CUX1: variants seen among roughly 807,000 people sequenced by gnomAD.
CUX1 encodes protein CASP.
A neutral mutation model predicts 158.8 loss-of-function variants in CUX1; 31 were observed. That is an observed-to-expected ratio of 0.20 (90% CI 0.15 to 0.26). The LOEUF is 0.26. CUX1 is among the 10% of genes least tolerant of loss of function. The probability of loss-of-function intolerance (pLI) is 1.00; values close to 1 mark genes in which losing one functional copy is unlikely to be tolerated. For synonymous variants in CUX1, 879 were observed against 862.1 expected (o/e 1.02, Z -0.34); for missense variants, 1,589 against 2,014.6 (o/e 0.79, Z 4.04).
Position 102,253,096 on chromosome 7 carries a change from T to C in CUX1, c.*4054T>C, listed in dbSNP as rs1801693779. On this transcript the variant is annotated 3_prime_UTR_variant, in exon 24 of 24. Coordinates refer to ENST00000292535, the MANE Select transcript of CUX1 (RefSeq NM_181552.4). ...ATCCCTTGTACCTCCAAAGTACAAATACCTCCCTGCTCAGTTTCCTTCCTG... is the reference window on the plus strand; with the variant it reads ...ATCCCTTGTACCTCCAAAGTACAAACACCTCCCTGCTCAGTTTCCTTCCTG... 1 of 985,424 alleles carries C rather than the reference T, an allele frequency of 1.0e-6. No individual in the cohort carries two copies. Among genetic ancestry groups the C allele is most frequent in the Non-Finnish European group, 1.2e-6 (1 of 829,938 alleles). 61.0% of individuals were successfully genotyped at this position (985,424 alleles called of 1,614,324 possible).
At chr7:102,100,547 C>A (rs1369391881) in intron 5 of CUX1, among the ~76,000 whole-genome samples, 1 of 152,170 alleles carries the variant, frequency 6.6e-6, no homozygotes, top group Non-Finnish European at 1.5e-5. Flanking sequence ...AACAAGTTTT[C>A]CCAAGCTCCA....
intron 14 of CUX1, among the ~76,000 whole-genome samples, chr7:102,267,558 G>C (rs1354688980): frequency 6.6e-6 from 1 of 152,042 alleles, no homozygotes; most frequent in South Asian, 2.1e-4. Flanking sequence ...TAAAAAGACA[G>C]GGGCCCCTCG....
At chr7:101,915,126 G>T (rs959828744) in intron 1 of CUX1, among the ~76,000 whole-genome samples, 2 of 152,182 alleles carry the variant, frequency 1.3e-5, no homozygotes, top group Non-Finnish European at 2.9e-5. Flanking sequence ...AGAACGGGCC[G>T]CTGTGTGTCT....
intron 2 of CUX1, among the ~76,000 whole-genome samples, chr7:101,927,804 G>A (rs1362272201): frequency 6.6e-6 from 1 of 152,188 alleles, no homozygotes; most frequent in Non-Finnish European, 1.5e-5. Flanking sequence ...GGTAATTAAC[G>A]AGGAGCTAAT....
At chr7:102,209,636 C>T (rs1236242449) in intron 20 of CUX1, among the ~76,000 whole-genome samples, 1 of 152,226 alleles carries the variant, frequency 6.6e-6, no homozygotes, top group Non-Finnish European at 1.5e-5. Context: ...GTAGTTATAA[C>T]CAGGGTCATC....
intron 1 of CUX1, among the ~76,000 whole-genome samples, chr7:101,821,656 CTTTTTTTCTTTTTTCTTTTTTTTT>C (rs1792564950): frequency 1.1e-5 from 1 of 94,478 alleles, no homozygotes; most frequent in Admixed American, 1.0e-4. Context: ...CTTTTCTTTT[CTTTTTTTCTTTTTTCTTTTTTTTT>C]TTTTTTTTTT....
chr7:102,126,874 G>A (rs1005500028), intron 8 of CUX1, among the ~76,000 whole-genome samples: 1 of 152,194 alleles, frequency 6.6e-6, no homozygotes, highest in Admixed American at 6.5e-5. Flanking sequence ...TGGGAGCCCT[G>A]AGCTTGTTTT....
At chr7:102,070,204 T>C in intron 3 of CUX1, 135 bp from the exon 4 acceptor site, 1 of 692,910 alleles carries the variant, frequency 1.4e-6, no homozygotes, top group East Asian at 2.7e-5. Context: ...AGGCATTTCC[T>C]CTAAGAGGCT....
At chr7:102,116,604 A>G (rs1831462693) in intron 8 of CUX1, among the ~76,000 whole-genome samples, 3 of 152,120 alleles carry the variant, frequency 2.0e-5, no homozygotes, top group African/African-American at 7.2e-5. Flanking sequence ...TGATCGTACC[A>G]GTGCACTCCA....
chr7:102,180,072 G>A (rs1792861848), intron 11 of CUX1, among the ~76,000 whole-genome samples: 1 of 152,164 alleles, frequency 6.6e-6, no homozygotes, highest in Admixed American at 6.5e-5. Context: ...CGCCGAGACT[G>A]GAATGCAATG....
upstream of CUX1, chr7:101,816,945 G>A (rs924311205): frequency 2.0e-6 from 2 of 982,762 alleles, no homozygotes; most frequent in African/African-American, 1.8e-5. Context: ...TACGTCCCGG[G>A]GAGCGCCCCG....
chr7:102,263,461 ACAC>A, intron 14 of CUX1, among the ~76,000 whole-genome samples: 1 of 150,692 alleles, frequency 6.6e-6, no homozygotes, highest in Admixed American at 6.6e-5. Context: ...CTACAGGTGC[ACAC>A]TGCCATGCCC....
At chr7:102,185,869 G>C (rs1221243066) in intron 11 of CUX1, among the ~76,000 whole-genome samples, 1 of 152,132 alleles carries the variant, frequency 6.6e-6, no homozygotes, top group Non-Finnish European at 1.5e-5. Context: ...GATCTGCACT[G>C]TAGGACCCCA....
intron 3 of CUX1, among the ~76,000 whole-genome samples, chr7:102,047,477 A>T (rs904297613): frequency 6.9e-6 from 1 of 143,980 alleles, no homozygotes; most frequent in Non-Finnish European, 1.5e-5. Flanking sequence ...AGAGCTATGG[A>T]TGGATGAAGG....
chr7:101,856,975 C>T (rs543833096), intron 1 of CUX1, among the ~76,000 whole-genome samples: 9 of 152,212 alleles, frequency 5.9e-5, no homozygotes, highest in Non-Finnish European at 1.0e-4. Flanking sequence ...TCCTCCTGGG[C>T]GCACCCTCCC....
At chr7:101,873,332 T>C (rs1584838074) in intron 1 of CUX1, among the ~76,000 whole-genome samples, 1 of 79,676 alleles carries the variant, frequency 1.3e-5, no homozygotes, top group Non-Finnish European at 2.3e-5. Flanking sequence ...CCTAATGCTA[T>C]CCCTCCCCCC....
intron 8 of CUX1, among the ~76,000 whole-genome samples, chr7:102,129,476 G>C (rs1294543049): frequency 6.6e-6 from 1 of 152,122 alleles, no homozygotes. Context: ...TTGAGGTCAG[G>C]AGTTCGAGAC....
chr7:102,196,548 G>C (rs1045100753), intron 14 of CUX1, 86 bp from the exon 15 acceptor site: 2 of 1,278,948 alleles, frequency 1.6e-6, no homozygotes, highest in Non-Finnish European at 2.1e-6. Flanking sequence ...TCCCTTTTGC[G>C]GGGGCAAACT....
intron 21 of CUX1, among the ~76,000 whole-genome samples, chr7:102,233,425 C>G (rs1457000834): frequency 1.3e-5 from 2 of 152,126 alleles, no homozygotes; most frequent in Non-Finnish European, 2.9e-5. Flanking sequence ...CCCCTGGGCT[C>G]AAATGATCTT....
Sources: gnomAD v4.1 joint callset for allele counts (sites outside exome capture counted in the v4.1 genomes callset) on GRCh38, gnomAD v4.1.1 for gene constraint, MANE v1.5 for transcripts, NCBI Gene and HGNC (gene_info 2026-07-23, HGNC 2026-07-21) for gene names.